GALNS: variants seen among roughly 807,000 people sequenced by gnomAD.
GALNS encodes galactosamine (N-acetyl)-6-sulfatase.
A neutral mutation model predicts 65.9 loss-of-function variants in GALNS; 65 were observed. That is an observed-to-expected ratio of 0.99 (90% confidence interval 0.81 to 1.21). The LOEUF is 1.21. GALNS is among the 50% of genes most tolerant of loss of function. The pLI is 0.00. For missense variants in GALNS, 776 were observed against 700.7 expected (o/e 1.11, Z -1.21); for synonymous variants, 346 against 288.9 (o/e 1.20, Z -2.00).
intron 1 of GALNS, chr16:88,843,283 C>A (rs867471079): frequency 8.5e-7 from 1 of 1,171,476 alleles, no homozygotes; most frequent in South Asian, 1.4e-5. Context: ...CCCCCAGAAG[C>A]CCAGTTATCG....
At chr16:88,831,764 G>A (rs1911518249) in intron 9 of GALNS, among the ~76,000 whole-genome samples, 2 of 96,308 alleles carry the variant, frequency 2.1e-5, no homozygotes, top group Admixed American at 9.8e-5. Flanking sequence ...CGGTGAGGCC[G>A]AGCACGGGGT....
chr16:88,841,985 A>T lies in GALNS; in HGVS notation c.245-14T>A, dbSNP rs1180591831. 6.2e-6 allele frequency: 10 copies of T among 1,605,664 alleles called. No individual in the cohort carries two copies. ...GTGCCGCCCTCGCTATGTGGAGGTG[A>T]CAGAAACAGAAACTGGATAAGAAGG... is the stretch of plus-strand genomic sequence containing the variant. On this transcript the variant is annotated splice_polypyrimidine_tract_variant and intron_variant, in intron 2 of 13. Coordinates refer to ENST00000268695, the MANE Select transcript of GALNS (RefSeq NM_000512.5).
intron 11 of GALNS, 92 bp from the exon 12 acceptor site, chr16:88,822,802 G>A (rs1910381027): frequency 2.0e-6 from 3 of 1,530,648 alleles, no homozygotes; most frequent in Non-Finnish European, 2.6e-6. Flanking sequence ...CCCTGACTGC[G>A]GCCGTGAGGG....
At chr16:88,829,835 G>C (rs962305272) in intron 9 of GALNS, among the ~76,000 whole-genome samples, 14 of 152,238 alleles carry the variant, frequency 9.2e-5, no homozygotes, top group African/African-American at 2.9e-4. Context: ...CCAGGCAATT[G>C]AGGCGGCAGA....
Position 88,842,783 on chromosome 16 carries a change from G to T in GALNS, c.167C>A (p.Thr56Asn), listed in dbSNP as rs1967037775. 6.2e-7 allele frequency: 1 copy of T among 1,613,246 alleles called. No homozygotes were observed. Residue 56 changes from threonine (T) to asparagine (N), a missense_variant, in exon 2 of 14, where the codon ACC becomes AAC. Coordinates refer to ENST00000268695, the MANE Select transcript of GALNS (RefSeq NM_000512.5). ...LGVYGEPSRE[T>N]PNLDRMAAEG... ...TGCAGCCATCCGGTCCAAATTCGGGGTCTCTCTGGAGGGCTCTCCATACAC... is the reference window on the plus strand; with the variant it reads ...TGCAGCCATCCGGTCCAAATTCGGGTTCTCTCTGGAGGGCTCTCCATACAC...
chr16:88,828,977 C>T (rs1450458743), intron 9 of GALNS, among the ~76,000 whole-genome samples: 1 of 151,718 alleles, frequency 6.6e-6, no homozygotes, highest in Non-Finnish European at 1.5e-5. Flanking sequence ...TCTCCCAGAC[C>T]TACGCGGGTC....
At chr16:88,830,812 G>A (rs1055320046) in intron 9 of GALNS, among the ~76,000 whole-genome samples, 3 of 152,152 alleles carry the variant, frequency 2.0e-5, no homozygotes, top group African/African-American at 4.8e-5. Context: ...AGACACCAAC[G>A]GTCTCGTGTC....
chr16:88,843,193 C>A, intron 1 of GALNS: 1 of 1,346,690 alleles, frequency 7.4e-7, no homozygotes, highest in South Asian at 1.2e-5. Flanking sequence ...CCTCTAAACA[C>A]GTGCATCTAT....
chr16:88,855,788 G>A (rs1381979632), intron 1 of GALNS: 1 of 527,176 alleles, frequency 1.9e-6, no homozygotes, highest in Non-Finnish European at 3.4e-6. Context: ...GTGGCCCGTG[G>A]CCCCCACTGG....
chr16:88,829,566 T>C (rs1911273082), intron 9 of GALNS, among the ~76,000 whole-genome samples: 1 of 152,208 alleles, frequency 6.6e-6, no homozygotes, highest in South Asian at 2.1e-4. Context: ...CAGACAGCTG[T>C]AGAGAACAGG....
intron 1 of GALNS, among the ~76,000 whole-genome samples, chr16:88,847,802 C>T (rs755128746): frequency 2.6e-5 from 4 of 152,260 alleles, no homozygotes; most frequent in African/African-American, 4.8e-5. Context: ...GGTCCGGCAG[C>T]GCCACGCAGG....
At chr16:88,819,947 C>T (rs1695508318) in intron 12 of GALNS, among the ~76,000 whole-genome samples, 1 of 152,112 alleles carries the variant, frequency 6.6e-6, no homozygotes, top group Non-Finnish European at 1.5e-5. Flanking sequence ...CTGCCTCGGC[C>T]TCCCAAAGTG....
chr16:88,822,222 G>A (rs1567516668), intron 12 of GALNS, among the ~76,000 whole-genome samples: 1 of 152,204 alleles, frequency 6.6e-6, no homozygotes, highest in East Asian at 1.9e-4. Context: ...GGGGCTGGTG[G>A]CTTTCTGCCA....
chr16:88,824,683 G>T, intron 11 of GALNS, 84 bp downstream of exon 11: 1 of 1,126,220 alleles, frequency 8.9e-7, no homozygotes, highest in Non-Finnish European at 1.3e-6. Flanking sequence ...ACCCTCCTGT[G>T]CCTCCCCCAG....
intron 2 of GALNS, chr16:88,842,318 T>C (rs570514409): frequency 2.0e-6 from 1 of 511,116 alleles, no homozygotes; most frequent in South Asian, 2.0e-5. Flanking sequence ...TTCCTCACGA[T>C]CAACACCACA....
intron 1 of GALNS, chr16:88,855,974 T>G (rs1597610401): frequency 1.7e-6 from 1 of 583,856 alleles, no homozygotes; most frequent in Non-Finnish European, 3.1e-6. Flanking sequence ...GCAGCTGAGG[T>G]TCAAGAATGG....
At chr16:88,816,474 G>T in intron 13 of GALNS, 1 of 985,288 alleles carries the variant, frequency 1.0e-6, no homozygotes. Context: ...TCCCTTTGAA[G>T]GAAGGGCCCT....
At chr16:88,835,651 G>A in intron 7 of GALNS, 74 bp downstream of exon 7, 20 of 1,603,702 alleles carry the variant, frequency 1.2e-5, no homozygotes, top group Non-Finnish European at 1.6e-5. Flanking sequence ...CCACGGTACT[G>A]AGTGTCCCAT....
intron 9 of GALNS, among the ~76,000 whole-genome samples, chr16:88,831,278 G>T (rs1277586621): frequency 2.5e-5 from 3 of 118,878 alleles, no homozygotes; most frequent in Admixed American, 8.1e-5. Flanking sequence ...GGTGCGTGGG[G>T]AGGAGAGCGG....
Sources: allele counts gnomAD v4.1 joint callset (sites outside exome capture counted in the v4.1 genomes callset), GRCh38; gene constraint gnomAD v4.1.1; transcripts MANE v1.5; gene names NCBI Gene and HGNC (gene_info 2026-07-23, HGNC 2026-07-21).